FAF1: variants seen among roughly 807,000 people sequenced by gnomAD.
FAF1 encodes Fas associated factor 1, also known as FAS-associated factor 1.
In FAF1, 25 loss-of-function variants were observed where a neutral mutation model predicts 92.5. The ratio of observed to expected loss-of-function variants is 0.27; its 90% CI spans 0.20 to 0.38. FAF1 has a LOEUF of 0.38. FAF1 is among the 10% of genes least tolerant of loss of function. The probability of loss-of-function intolerance (pLI) is 1.00; values close to 1 mark genes in which losing one functional copy is unlikely to be tolerated. For synonymous variants in FAF1, 234 were observed against 273.2 expected (o/e 0.86, Z 1.42); for missense variants, 636 against 793.3 (o/e 0.80, Z 2.38).
chr1:50,587,831 G>T (rs1651310957), intron 9 of FAF1, among the ~76,000 whole-genome samples: 1 of 152,098 alleles, frequency 6.6e-6, no homozygotes, highest in Non-Finnish European at 1.5e-5. Flanking sequence ...AATCATAGGG[G>T]GTAGGAATCA....
intron 4 of FAF1, among the ~76,000 whole-genome samples, chr1:50,762,905 C>T (rs1166808800): frequency 1.3e-5 from 2 of 152,158 alleles, no homozygotes; most frequent in African/African-American, 4.8e-5. Flanking sequence ...AACAGGCAAC[C>T]TACAAAATGG....
At chr1:50,480,829 C>T (rs986427217) in intron 17 of FAF1, among the ~76,000 whole-genome samples, 10 of 152,156 alleles carry the variant, frequency 6.6e-5, no homozygotes, top group South Asian at 2.1e-4. Context: ...GCCCCAGGCA[C>T]GTCCTTCAGA....
At chr1:50,799,628 C>A (rs1403718836) in intron 3 of FAF1, among the ~76,000 whole-genome samples, 1 of 152,042 alleles carries the variant, frequency 6.6e-6, no homozygotes, top group African/African-American at 2.4e-5. Flanking sequence ...TTATTTCCTA[C>A]CAAAAGTTCA....
intron 8 of FAF1, among the ~76,000 whole-genome samples, chr1:50,644,421 G>C (rs1654484267): frequency 6.6e-6 from 1 of 152,122 alleles, no homozygotes; most frequent in Non-Finnish European, 1.5e-5. Flanking sequence ...ATTTCTCTTT[G>C]CTTAGCCTTC....
rs1372178495 is a variant in FAF1, at chr1:50,714,386, G to A, written c.552-8495C>T. Among the ~76,000 whole-genome samples, 10 of 151,400 alleles carry A rather than the reference G, an allele frequency of 6.6e-5. No homozygotes were observed. The South Asian group carries it at 1.0e-3, about 16-fold the overall frequency. On this transcript the variant is annotated intron_variant, in intron 6 of 18. Coordinates refer to ENST00000396153, the MANE Select transcript of FAF1 (RefSeq NM_007051.3). Reference sequence around the variant, plus strand: ...AAATTAGCTAGGTGTGGTGGCGGCCGCCTGTAATCCCAGCTACGCAGGAGG... The same window carrying A: ...AAATTAGCTAGGTGTGGTGGCGGCCACCTGTAATCCCAGCTACGCAGGAGG...
chr1:50,620,361 CTTGTA>C (rs1420613279), intron 8 of FAF1, among the ~76,000 whole-genome samples: 3 of 152,172 alleles, frequency 2.0e-5, no homozygotes, highest in Non-Finnish European at 2.9e-5. Context: ...GTTGTTCATA[CTTGTA>C]TTGTATTATG....
intron 7 of FAF1, among the ~76,000 whole-genome samples, chr1:50,702,331 T>C (rs1272597723): frequency 6.6e-6 from 1 of 152,056 alleles, no homozygotes; most frequent in Non-Finnish European, 1.5e-5. Flanking sequence ...CAAATCTGAA[T>C]TCTCAGCGTA....
chr1:50,565,509 A>G (rs1229047761), intron 13 of FAF1, among the ~76,000 whole-genome samples: 1 of 152,096 alleles, frequency 6.6e-6, no homozygotes, highest in Non-Finnish European at 1.5e-5. Flanking sequence ...CTTTCTAATA[A>G]GCAGCTTCTG....
At chr1:50,445,151 T>C (rs1314414613) in intron 18 of FAF1, among the ~76,000 whole-genome samples, 3 of 152,190 alleles carry the variant, frequency 2.0e-5, no homozygotes, top group Non-Finnish European at 4.4e-5. Flanking sequence ...TGTTCTTTAA[T>C]GGTAATTTCT....
rs1569864896 is a variant in FAF1, at chr1:50,740,447, A to G, written c.460-1493T>C. On this transcript the variant is annotated intron_variant, in intron 5 of 18. Coordinates refer to ENST00000396153, the MANE Select transcript of FAF1 (RefSeq NM_007051.3). Reference sequence around the variant, plus strand: ...ACCCCTCCATGAGAGGACCCAGCTTATTAAGTGTGCAGTCTTAATCCAAGG... The same window carrying G: ...ACCCCTCCATGAGAGGACCCAGCTTGTTAAGTGTGCAGTCTTAATCCAAGG... 3.9e-5 allele frequency among the ~76,000 whole-genome samples: 6 copies of G among 152,324 alleles called. 1 individual carries two copies. The South Asian group carries it at 1.2e-3, about 32-fold the overall frequency.
chr1:50,746,317 T>G (rs1337831660), intron 4 of FAF1, among the ~76,000 whole-genome samples: 16 of 97,824 alleles, frequency 1.6e-4, no homozygotes, highest in African/African-American at 5.5e-4. Flanking sequence ...TTTTTTTTTT[T>G]TTTGAGACAG....
chr1:50,872,887 G>T (rs372708080), intron 1 of FAF1, among the ~76,000 whole-genome samples: 7 of 149,264 alleles, frequency 4.7e-5, no homozygotes, highest in African/African-American at 1.8e-4. Context: ...CAACAACAGC[G>T]AAACTCCGTC....
At chr1:50,885,577 A>C in intron 1 of FAF1, among the ~76,000 whole-genome samples, 1 of 151,858 alleles carries the variant, frequency 6.6e-6, no homozygotes, top group African/African-American at 2.4e-5. Flanking sequence ...ATGTGTCTTT[A>C]TAGGTGAAGT....
chr1:50,853,136 T>A (rs1201073127), intron 2 of FAF1, among the ~76,000 whole-genome samples: 1 of 152,150 alleles, frequency 6.6e-6, no homozygotes, highest in East Asian at 1.9e-4. Flanking sequence ...CTGCAGGTGT[T>A]CATAACACTG....
In FAF1 at chr1:50,941,307, T is replaced by C. The variant is rs1033155966; in HGVS notation, c.45+18460A>G. On this transcript the variant is annotated intron_variant, in intron 1 of 18. Transcript: ENST00000396153. ...TGACTGCAACCTCCGCCTCCTGGGT[T>C]CAAGCGATTCTCGTGTCTCAGCCTC... Among the ~76,000 whole-genome samples, 4 of 152,286 alleles carry C rather than the reference T, an allele frequency of 2.6e-5. No individual in the cohort carries two copies. In the East Asian group the frequency reaches 7.7e-4, roughly 29 times the overall value.
chr1:50,594,531 C>T (rs1444906770), intron 9 of FAF1, among the ~76,000 whole-genome samples: 2 of 150,926 alleles, frequency 1.3e-5, no homozygotes, highest in Non-Finnish European at 2.9e-5. Context: ...CTGTTTGTAG[C>T]CATGGAACAG....
chr1:50,743,453 G>A (rs1242050110), intron 5 of FAF1, among the ~76,000 whole-genome samples: 3 of 151,890 alleles, frequency 2.0e-5, no homozygotes, highest in Middle Eastern at 3.2e-3. Flanking sequence ...TCAGCCTCCC[G>A]AGTAGCTTGG....
intron 6 of FAF1, among the ~76,000 whole-genome samples, chr1:50,721,998 A>G (rs189710588): frequency 6.6e-6 from 1 of 152,302 alleles, no homozygotes; most frequent in East Asian, 1.9e-4. Context: ...AAGAAGTCAC[A>G]CTCACAGAAA....
intron 7 of FAF1, among the ~76,000 whole-genome samples, chr1:50,666,788 C>T (rs1476224500): frequency 6.6e-6 from 1 of 152,100 alleles, no homozygotes; most frequent in African/African-American, 2.4e-5. Flanking sequence ...GAGGCTGAGG[C>T]AGGAGAATCG....
Sources: allele counts gnomAD v4.1 joint callset (sites outside exome capture counted in the v4.1 genomes callset), GRCh38; gene constraint gnomAD v4.1.1; transcripts MANE v1.5; gene names NCBI Gene and HGNC (gene_info 2026-07-23, HGNC 2026-07-21).